RSU1: variants seen among roughly 807,000 people sequenced by gnomAD.
RSU1 encodes rsu-1.
A neutral mutation model predicts 31.1 loss-of-function variants in RSU1; 26 were observed. The ratio of observed to expected loss-of-function variants is 0.84; its 90% CI spans 0.61 to 1.16. The LOEUF (loss-of-function observed/expected upper bound fraction) is 1.16, where lower values mean the gene tolerates loss of function less well. Among genes scored for constraint, RSU1 ranks in the 50% most tolerant of loss-of-function variants. RSU1 has a pLI of 0.00. For synonymous variants in RSU1, 164 were observed against 136.3 expected (o/e 1.20, Z -1.41); for missense variants, 320 against 339.1 (o/e 0.94, Z 0.44).
chr10:16,610,611 C>G (rs1833877058), intron 8 of RSU1, among the ~76,000 whole-genome samples: 1 of 152,168 alleles, frequency 6.6e-6, no homozygotes, highest in Non-Finnish European at 1.5e-5. Context: ...CCCATCACCC[C>G]CAGATGGGAC....
intron 7 of RSU1, among the ~76,000 whole-genome samples, chr10:16,740,808 G>C (rs1836734914): frequency 6.6e-6 from 1 of 152,068 alleles, no homozygotes; most frequent in Non-Finnish European, 1.5e-5. Flanking sequence ...AGAAATCGAA[G>C]ATCTAAATAA....
At chr10:16,783,072 G>A (rs1381861599) in intron 2 of RSU1, among the ~76,000 whole-genome samples, 3 of 151,246 alleles carry the variant, frequency 2.0e-5, no homozygotes, top group Admixed American at 6.6e-5. Flanking sequence ...CACCATGCCC[G>A]GCTAATTTTG....
rs767520876 is a variant in RSU1, at chr10:16,754,849, T to A, written c.400+22A>T. 2.8e-6 allele frequency: 4 copies of A among 1,449,038 alleles called. No individual in the cohort carries two copies. In the East Asian group the frequency reaches 9.1e-5, roughly 33 times the overall value. 89.8% of individuals were successfully genotyped at this position (1,449,038 alleles called of 1,614,324 possible). On this transcript the variant is annotated intron_variant, in intron 5 of 8. Transcript: ENST00000345264. ...CGCAAAGTACAAGGTTGAGGAGATT[T>A]ATAGAATTGAAAGTTTCTTACTCAG...
intron 8 of RSU1, among the ~76,000 whole-genome samples, chr10:16,598,850 C>A (rs1484919813): frequency 1.3e-5 from 2 of 152,198 alleles, no homozygotes; most frequent in African/African-American, 2.4e-5. Flanking sequence ...GTGAGCCTCT[C>A]TGGGCCTGAC....
chr10:16,797,749 A>C (rs1259446756), intron 2 of RSU1, among the ~76,000 whole-genome samples: 4 of 136,172 alleles, frequency 2.9e-5, no homozygotes, highest in Non-Finnish European at 6.4e-5. Context: ...AATTAGAAAC[A>C]AAAAAAATTA....
intron 7 of RSU1, among the ~76,000 whole-genome samples, chr10:16,710,109 A>C (rs1835986696): frequency 6.6e-6 from 1 of 152,182 alleles, no homozygotes; most frequent in South Asian, 2.1e-4. Flanking sequence ...ATATTAAAAG[A>C]AAGCTTTTCC....
intron 8 of RSU1, among the ~76,000 whole-genome samples, chr10:16,626,429 G>A (rs1487337091): frequency 2.0e-5 from 3 of 152,114 alleles, no homozygotes; most frequent in African/African-American, 7.2e-5. Context: ...GCCTCCCAAA[G>A]TGCTGGGATT....
intron 8 of RSU1, among the ~76,000 whole-genome samples, chr10:16,615,528 G>A (rs1480659265): frequency 6.6e-6 from 1 of 152,186 alleles, no homozygotes; most frequent in Non-Finnish European, 1.5e-5. Context: ...TCTGGATTAA[G>A]TGCACCTAAT....
At chr10:16,812,569 G>C (rs1220099867) in intron 2 of RSU1, among the ~76,000 whole-genome samples, 3 of 152,138 alleles carry the variant, frequency 2.0e-5, no homozygotes, top group Admixed American at 2.0e-4. Flanking sequence ...TGTGTTCCAG[G>C]TTTAACAAGA....
intron 3 of RSU1, among the ~76,000 whole-genome samples, chr10:16,768,160 C>A (rs921229355): frequency 6.6e-6 from 1 of 152,208 alleles, no homozygotes; most frequent in Non-Finnish European, 1.5e-5. Flanking sequence ...ACCAAAGGAA[C>A]TAAAGAGCAA....
At position 16,695,171 on chromosome 10, in the gene RSU1, A is replaced by AGTGG. The variant is rs769563196; in HGVS notation, c.599-17_599-16insCCAC. On this transcript the variant is annotated splice_polypyrimidine_tract_variant and intron_variant, in intron 7 of 8. Coordinates refer to ENST00000345264, the MANE Select transcript of RSU1 (RefSeq NM_012425.4). ...TCCAAGTTTCCTGGGGGGGGGGAAA[A>AGTGG]AAAAAGTGAAGGTCACTTCATCCAA... 7 of 1,519,148 alleles carry AGTGG rather than the reference A, an allele frequency of 4.6e-6. No homozygotes were observed. The allele number at this position is 1,519,148 out of a possible 1,614,324, so 94.1% of individuals were successfully genotyped here. A position where few individuals can be genotyped will look rare whatever the true frequency, so the allele number is the denominator to read the frequency against.
At chr10:16,751,162 C>T (rs928975350) in intron 7 of RSU1, among the ~76,000 whole-genome samples, 8 of 152,166 alleles carry the variant, frequency 5.3e-5, no homozygotes, top group East Asian at 3.9e-4. Flanking sequence ...CCACCGTGCC[C>T]GGCCCGAGAT....
intron 8 of RSU1, 46 bp downstream of exon 8, chr10:16,694,977 C>A: frequency 1.3e-6 from 2 of 1,525,626 alleles, no homozygotes; most frequent in South Asian, 1.2e-5. Context: ...ATTATAAATA[C>A]TATAAAATCA....
chr10:16,764,505 G>A lies in RSU1; in HGVS notation c.166C>T (p.Pro56Ser). The A allele has an allele frequency of 1.2e-6, 2 of 1,612,636 alleles. No individual in the cohort carries two copies. The highest frequency in any genetic ancestry group is 1.7e-6 in the Non-Finnish European group (2 of 1,179,276). The part of the protein sequence containing the change: ...VLSHNKLTMV[P>S]PNIAELKNLE... ...TTCTTCAGTTCTGCGATGTTCGGTG[G>A]CACCACTATGGAAACAAAAATGCTG... The change falls in exon 4 of 9, where the codon CCA becomes TCA. Residue 56 changes from proline to serine, a missense_variant. Pro to Ser is a moderately conservative substitution (Grantham distance 74). Transcript: ENST00000345264.
intron 5 of RSU1, among the ~76,000 whole-genome samples, chr10:16,753,583 G>T (rs1837023096): frequency 6.6e-6 from 1 of 152,126 alleles, no homozygotes; most frequent in Admixed American, 6.5e-5. Context: ...AAGACAAAGA[G>T]GCTAAAATAA....
intron 7 of RSU1, among the ~76,000 whole-genome samples, chr10:16,702,442 C>G (rs929917778): frequency 1.3e-5 from 2 of 152,234 alleles, no homozygotes; most frequent in Non-Finnish European, 2.9e-5. Flanking sequence ...GTCACAGGAG[C>G]TAAACACTGC....
At chr10:16,634,587 G>T (rs1834314169) in intron 8 of RSU1, among the ~76,000 whole-genome samples, 1 of 152,184 alleles carries the variant, frequency 6.6e-6, no homozygotes, top group Non-Finnish European at 1.5e-5. Flanking sequence ...TGCATCTTAT[G>T]TTCTAGATTT....
intron 8 of RSU1, among the ~76,000 whole-genome samples, chr10:16,677,828 T>C (rs1835261239): frequency 6.6e-6 from 1 of 152,170 alleles, no homozygotes; most frequent in Non-Finnish European, 1.5e-5. Context: ...AGCACCAAAA[T>C]ACATTTGTTA....
chr10:16,759,592 C>G (rs747332808), intron 4 of RSU1, among the ~76,000 whole-genome samples: 1 of 152,168 alleles, frequency 6.6e-6, no homozygotes, highest in Non-Finnish European at 1.5e-5. Flanking sequence ...GAGACAAGCT[C>G]TAGCAACAAA....
Sources: gnomAD v4.1 joint callset for allele counts (sites outside exome capture counted in the v4.1 genomes callset) on GRCh38, gnomAD v4.1.1 for gene constraint, MANE v1.5 for transcripts, NCBI Gene and HGNC (gene_info 2026-07-23, HGNC 2026-07-21) for gene names.